Variants in CRADD observed in about 807,000 individuals in gnomAD.
CRADD encodes death domain-containing protein CRADD.
A neutral mutation model predicts 15.5 loss-of-function variants in CRADD; 9 were observed. The observed-to-expected ratio is 0.58, with a 90% CI of 0.35 to 1.01. CRADD has a LOEUF of 1.01. Among genes scored for constraint, CRADD ranks in the 50% least tolerant of loss-of-function variants. The pLI is 0.02. For missense variants in CRADD, 227 were observed against 250.3 expected (o/e 0.91, Z 0.63); for synonymous variants, 118 against 107.6 (o/e 1.10, Z -0.60).
At chr12:93,815,516 A>T (rs951722068) in intron 2 of CRADD, 1 of 152,196 alleles carries the variant, frequency 6.6e-6, no homozygotes, top group South Asian at 2.1e-4. Context: ...CCTTTGTATT[A>T]CAGTTTTCAT....
At chr12:93,765,054 A>C (rs908650084) in intron 2 of CRADD, among the ~76,000 whole-genome samples, 32 of 151,922 alleles carry the variant, frequency 2.1e-4, no homozygotes, top group Admixed American at 1.8e-3. Flanking sequence ...GGCTGAATGG[A>C]AATTTAAAAT....
chr12:93,772,716 T>C (rs1957097563), intron 2 of CRADD, among the ~76,000 whole-genome samples: 2 of 152,230 alleles, frequency 1.3e-5, no homozygotes, highest in South Asian at 4.1e-4. Flanking sequence ...TAGTAGGAGC[T>C]TTTATCTTCT....
intron 2 of CRADD, among the ~76,000 whole-genome samples, chr12:93,787,431 C>T (rs765273372): frequency 6.6e-6 from 1 of 151,522 alleles, no homozygotes; most frequent in Non-Finnish European, 1.5e-5. Context: ...TTTGTAGCTC[C>T]CTAACAGGCT....
At chr12:93,714,074 C>T (rs1267727827) in intron 2 of CRADD, among the ~76,000 whole-genome samples, 9 of 152,030 alleles carry the variant, frequency 5.9e-5, no homozygotes, top group African/African-American at 4.8e-5. Context: ...CTCAAAAGGT[C>T]GAACGAAGAC....
intron 2 of CRADD, among the ~76,000 whole-genome samples, chr12:93,801,704 A>G (rs1027240104): frequency 1.3e-5 from 2 of 152,238 alleles, no homozygotes; most frequent in East Asian, 1.9e-4. Context: ...TGGCCTTTAA[A>G]AAATGTTTAT....
chr12:93,768,821 G>A (rs1484535785), intron 2 of CRADD, among the ~76,000 whole-genome samples: 1 of 152,004 alleles, frequency 6.6e-6, no homozygotes, highest in Non-Finnish European at 1.5e-5. Flanking sequence ...ACCCCCAGAA[G>A]CCTCCCATGG....
intron 2 of CRADD, among the ~76,000 whole-genome samples, chr12:93,768,901 C>T (rs1380389417): frequency 3.3e-5 from 5 of 152,070 alleles, no homozygotes; most frequent in East Asian, 3.9e-4. Context: ...TGGAACTTTA[C>T]GTAAATGAAA....
At chr12:93,710,624 C>T (rs142958310) in intron 2 of CRADD, among the ~76,000 whole-genome samples, 84 of 152,242 alleles carry the variant, frequency 5.5e-4, no homozygotes, top group African/African-American at 2.0e-3. Context: ...GGATTACAGG[C>T]GTGAACCACC....
At chr12:93,853,958 G>C (rs1290301451), downstream of CRADD, among the ~76,000 whole-genome samples, 5 of 152,332 alleles carry the variant, frequency 3.3e-5, no homozygotes, top group African/African-American at 1.2e-4. Flanking sequence ...ATGCAAGGAA[G>C]GGAGTGTTTG....
At chr12:93,773,516 T>G (rs2131726) in intron 2 of CRADD, among the ~76,000 whole-genome samples, 86,105 of 151,988 alleles carry the variant, frequency 0.57, 25,292 homozygotes, top group East Asian at 0.89. Context: ...TTTGTAAACT[T>G]CCCAGTCTTG....
intron 2 of CRADD, among the ~76,000 whole-genome samples, chr12:93,814,953 A>G (rs556995022): frequency 6.6e-6 from 1 of 152,304 alleles, no homozygotes; most frequent in African/African-American, 2.4e-5. Context: ...TTTGAAAGAG[A>G]TTCTCTGCAG....
intron 2 of CRADD, among the ~76,000 whole-genome samples, chr12:93,704,287 C>T (rs1331584263): frequency 1.3e-5 from 2 of 152,194 alleles, no homozygotes; most frequent in Non-Finnish European, 2.9e-5. Context: ...TTGGTTAAGT[C>T]ATTTACATAT....
chr12:93,887,230 G>T (rs1314661818), intron 2 of CRADD, among the ~76,000 whole-genome samples: 1 of 152,204 alleles, frequency 6.6e-6, no homozygotes, highest in African/African-American at 2.4e-5. Context: ...AAACCTTGGG[G>T]TAAAAGGGAG....
chr12:93,777,912 A>G (rs761688675), intron 2 of CRADD, among the ~76,000 whole-genome samples: 1 of 152,070 alleles, frequency 6.6e-6, no homozygotes, highest in Non-Finnish European at 1.5e-5. Context: ...AAATCAAACC[A>G]TGACCTCCGA....
intron 2 of CRADD, among the ~76,000 whole-genome samples, chr12:93,801,599 A>G (rs771971360): frequency 1.3e-5 from 2 of 152,164 alleles, no homozygotes; most frequent in Non-Finnish European, 2.9e-5. Context: ...GAGTTTCACT[A>G]TGTTGGCCAG....
At chr12:93,733,483 A>G (rs151325762) in intron 2 of CRADD, 203 of 152,434 alleles carry the variant, frequency 1.3e-3, no homozygotes, top group African/African-American at 4.7e-3. Flanking sequence ...CTCACCAGCC[A>G]CACTGAAGAG....
intron 2 of CRADD, among the ~76,000 whole-genome samples, chr12:93,817,121 A>AG (rs994253228): frequency 2.0e-5 from 3 of 152,158 alleles, no homozygotes; most frequent in Non-Finnish European, 2.9e-5. Context: ...CAAATATAAA[A>AG]GGTATTAGAC....
At chr12:93,789,182 G>A (rs1197831067) in intron 2 of CRADD, among the ~76,000 whole-genome samples, 2 of 151,802 alleles carry the variant, frequency 1.3e-5, no homozygotes, top group Admixed American at 6.6e-5. Context: ...TCTGTGAGAG[G>A]CTAGGTCAGT....
intron 2 of CRADD, among the ~76,000 whole-genome samples, chr12:93,726,443 G>A (rs1956369311): frequency 6.6e-6 from 1 of 152,006 alleles, no homozygotes; most frequent in Non-Finnish European, 1.5e-5. Flanking sequence ...ACTTTGTTAG[G>A]TCTGTTTATT....
Sources: allele counts gnomAD v4.1 joint callset (sites outside exome capture counted in the v4.1 genomes callset), GRCh38; gene constraint gnomAD v4.1.1; transcripts MANE v1.5; gene names NCBI Gene and HGNC (gene_info 2026-07-23, HGNC 2026-07-21).